The following ITCH variants were observed in gnomAD, a reference collection of about 807,000 sequenced individuals.
ITCH encodes the protein itchy E3 ubiquitin protein ligase.
In ITCH, 28 loss-of-function variants were observed where a neutral mutation model predicts 126.8. The ratio of observed to expected loss-of-function variants is 0.22; its 90% CI spans 0.16 to 0.30. The LOEUF (loss-of-function observed/expected upper bound fraction) is 0.30. ITCH is among the 10% of genes least tolerant of loss of function. The pLI is 1.00. For missense variants in ITCH, 631 were observed against 1,032.4 expected, an observed-to-expected ratio of 0.61 and a Z score of 5.33; for synonymous variants, 342 against 340.0, an observed-to-expected ratio of 1.01 and a Z score of -0.06.
In ITCH at chr20:34,401,034, C is replaced by T. The variant is rs183662781; in HGVS notation, c.70+7153C>T. Among the ~76,000 whole-genome samples the T allele has an allele frequency of 2.9e-4, 44 of 152,298 alleles. No homozygotes were observed. The East Asian group carries it at 5.6e-3, about 19-fold the overall frequency. ...TCGGCCTCCCAAAGTTCTCGAATTA[C>T]AGGCGTGAGCCATTGTTCCCAGCCA... On this transcript the variant is annotated intron_variant, in intron 3 of 24. Transcript: ENST00000374864.
At chr20:34,366,231 A>T (rs1782421234) in intron 1 of ITCH, among the ~76,000 whole-genome samples, 1 of 152,084 alleles carries the variant, frequency 6.6e-6, no homozygotes, top group Admixed American at 6.6e-5. Context: ...GGTTAAAGGA[A>T]GCAAGTATAT....
intron 6 of ITCH, among the ~76,000 whole-genome samples, chr20:34,422,710 C>T (rs1601863143): frequency 6.6e-6 from 1 of 152,156 alleles, no homozygotes; most frequent in East Asian, 1.9e-4. Context: ...AGGTTTAAAA[C>T]ATTTTTATCC....
At chr20:34,487,447 A>G (rs1189857429) in intron 20 of ITCH, among the ~76,000 whole-genome samples, 2 of 151,834 alleles carry the variant, frequency 1.3e-5, no homozygotes, top group African/African-American at 4.8e-5. Context: ...TCGCCTTGCT[A>G]TTTGTTTCTT....
chr20:34,482,422 G>A (rs768883778), intron 20 of ITCH, among the ~76,000 whole-genome samples: 30 of 152,220 alleles, frequency 2.0e-4, no homozygotes, highest in Non-Finnish European at 4.0e-4. Context: ...TACAGGCATT[G>A]GGTAAATACA....
intron 3 of ITCH, chr20:34,401,734 A>C: frequency 1.6e-6 from 1 of 608,856 alleles, no homozygotes; most frequent in Non-Finnish European, 2.1e-6. Context: ...AAAAGACTGA[A>C]AAACAAACCT....
chr20:34,507,290 G>GTTGTTTTTTTTTTTTTTTTGTT (rs372382674), intron 24 of ITCH, among the ~76,000 whole-genome samples: 1 of 70,006 alleles, frequency 1.4e-5, no homozygotes, highest in Non-Finnish European at 2.7e-5. Context: ...TTTTTTTTTT[G>GTTGTTTTTTTTTTTTTTTTGTT]GTTGTTGTTG....
chr20:34,390,595 G>A (rs753548379), intron 2 of ITCH, among the ~76,000 whole-genome samples: 2 of 151,162 alleles, frequency 1.3e-5, no homozygotes, highest in African/African-American at 4.9e-5. Flanking sequence ...GATTACAAGC[G>A]TGTACCACCA....
chr20:34,460,725 A>G (rs187966935), intron 13 of ITCH, among the ~76,000 whole-genome samples: 2 of 152,274 alleles, frequency 1.3e-5, no homozygotes, highest in East Asian at 3.9e-4. Context: ...AATACTTCAT[A>G]AATAACATAT....
intron 5 of ITCH, among the ~76,000 whole-genome samples, chr20:34,413,150 A>G (rs1371505800): frequency 6.6e-6 from 1 of 152,064 alleles, no homozygotes; most frequent in Non-Finnish European, 1.5e-5. Flanking sequence ...CTCCTGATAT[A>G]TCTGGGACTA....
intron 16 of ITCH, chr20:34,476,235 T>G (rs1318248958): frequency 2.2e-5 from 18 of 807,204 alleles, no homozygotes; most frequent in Non-Finnish European, 3.2e-5. Flanking sequence ...TTCCTTTGGT[T>G]GTTAATGTTT....
Position 34,489,399 on chromosome 20 carries a change from C to G in ITCH, c.2214+13C>G. ...AAAGGAATTAGAGGTAATGAATTTTCCTTCATTCCCCTGTACCATGCTAGT... is the reference window on the plus strand; with the variant it reads ...AAAGGAATTAGAGGTAATGAATTTTGCTTCATTCCCCTGTACCATGCTAGT... On this transcript the variant is annotated intron_variant, in intron 21 of 24. Transcript: ENST00000374864. 6.2e-7 allele frequency: 1 copy of G among 1,609,014 alleles called. No homozygotes were observed. The highest frequency in any genetic ancestry group is 8.5e-7 in the Non-Finnish European group (1 of 1,176,820).
Position 34,428,594 on chromosome 20 carries a change from A to G in ITCH, c.521+4069A>G, listed in dbSNP as rs574333418. Among the ~76,000 whole-genome samples the G allele has an allele frequency of 2.0e-5, 3 of 152,202 alleles. No homozygotes were observed. In the East Asian group the frequency reaches 5.8e-4, roughly 29 times the overall value. On this transcript the variant is annotated intron_variant, in intron 7 of 24. Coordinates refer to ENST00000374864, the MANE Select transcript of ITCH (RefSeq NM_031483.7). ...TTTTTTTGTTTTTAAGTTTATTATT[A>G]TATTTTAAAGACAGGCTCTCGCTCT...
chr20:34,453,861 G>A (rs1985547900), intron 12 of ITCH, among the ~76,000 whole-genome samples: 1 of 151,642 alleles, frequency 6.6e-6, no homozygotes, highest in African/African-American at 2.4e-5. Context: ...GGGAGTGGTG[G>A]TGGACGTCTG....
intron 12 of ITCH, among the ~76,000 whole-genome samples, chr20:34,456,108 C>A (rs1419570243): frequency 1.4e-5 from 2 of 143,360 alleles, no homozygotes; most frequent in East Asian, 4.1e-4. Flanking sequence ...TGTATATATA[C>A]ACACTCTCAA....
At chr20:34,447,278 G>T (rs375947426) in intron 11 of ITCH, among the ~76,000 whole-genome samples, 14 of 151,416 alleles carry the variant, frequency 9.2e-5, no homozygotes, top group African/African-American at 2.9e-4. Flanking sequence ...CTTTGTACTT[G>T]ATGTGGAGTG....
chr20:34,430,962 G>A (rs1982212594), intron 7 of ITCH, among the ~76,000 whole-genome samples: 1 of 152,184 alleles, frequency 6.6e-6, no homozygotes, highest in Non-Finnish European at 1.5e-5. Flanking sequence ...GAAGAGTAGA[G>A]GGAGAATGTG....
intron 13 of ITCH, among the ~76,000 whole-genome samples, chr20:34,458,123 A>T (rs1986192055): frequency 6.6e-6 from 1 of 152,272 alleles, no homozygotes; most frequent in East Asian, 1.9e-4. Flanking sequence ...GGAGGAAGAA[A>T]ATACATACTC....
At chr20:34,504,200 AGAT>A in intron 23 of ITCH, 128 bp from the exon 24 acceptor site, 1 of 733,252 alleles carries the variant, frequency 1.4e-6, no homozygotes, top group Admixed American at 2.0e-5. Flanking sequence ...TGAATTAGTA[AGAT>A]GATGTGTGGG....
chr20:34,430,604 C>G (rs1482947503), intron 7 of ITCH, among the ~76,000 whole-genome samples: 1 of 152,122 alleles, frequency 6.6e-6, no homozygotes, highest in Non-Finnish European at 1.5e-5. Flanking sequence ...CTCCGAGTAG[C>G]TGGGATTACA....
Sources: allele counts gnomAD v4.1 joint callset (sites outside exome capture counted in the v4.1 genomes callset), GRCh38; gene constraint gnomAD v4.1.1; transcripts MANE v1.5; gene names NCBI Gene and HGNC (gene_info 2026-07-23, HGNC 2026-07-21).